Variants in NCKAP5L observed in about 807,000 individuals in gnomAD.
The protein encoded by NCKAP5L is NCK associated protein 5 like, also known as nck-associated protein 5-like.
A neutral mutation model predicts 103.2 loss-of-function variants in NCKAP5L; 54 were observed. The ratio of observed to expected loss-of-function variants is 0.52; its 90% CI spans 0.42 to 0.66. NCKAP5L has a LOEUF of 0.66. NCKAP5L is among the 30% of genes least tolerant of loss of function. NCKAP5L has a pLI of 0.00. For synonymous variants in NCKAP5L, 762 were observed against 748.6 expected (o/e 1.02, Z -0.29); for missense variants, 1,733 against 1,750.6 (o/e 0.99, Z 0.18).
intron 6 of NCKAP5L, among the ~76,000 whole-genome samples, 154 bp from the exon 7 acceptor site, chr12:49,798,617 C>T (rs991065908): frequency 2.6e-5 from 4 of 152,188 alleles, no homozygotes; most frequent in Non-Finnish European, 4.4e-5. Flanking sequence ...CCCCACCCAC[C>T]GGTAAGAGAA....
chr12:49,794,904 T>A lies in NCKAP5L; in HGVS notation c.2956A>T (p.Lys986Ter). 1 of 1,531,224 alleles carries A rather than the reference T, an allele frequency of 6.5e-7. No individual in the cohort carries two copies. The highest frequency in any genetic ancestry group is 1.3e-5 in the South Asian group (1 of 79,826). 94.9% of individuals were successfully genotyped at this position (1,531,224 alleles called of 1,614,324 possible). A position where few individuals can be genotyped will look rare whatever the true frequency, so the allele number is the denominator to read the frequency against. Residue 986 changes from lysine (K) to a stop codon, truncating the protein, a stop_gained, in exon 8 of 13, where the codon AAG becomes TAG. Coordinates refer to ENST00000335999, the MANE Select transcript of NCKAP5L (RefSeq NM_001037806.4). LOFTEE classifies it high-confidence loss of function. ...EDLRRALEEE[K>*]AYLSSRARPR... ...CGGGCCCGGCTGCTTAGGTAGGCCT[T>A]CTCCTCTTCCAGTGCCCGACGCAGG...
At position 49,796,301 on chromosome 12, in the gene NCKAP5L, G is replaced by A; in HGVS notation, c.1559C>T (p.Pro520Leu). Residue 520 changes from proline to leucine, a missense_variant, in exon 8 of 13, where the codon CCC becomes CTC. By Grantham distance (98) the Pro-to-Leu change is moderately conservative. Coordinates refer to ENST00000335999, the MANE Select transcript of NCKAP5L (RefSeq NM_001037806.4). ...ELSPEGAQGLPTSPSPCYTTP... is the reference protein window; with the variant it reads ...ELSPEGAQGLLTSPSPCYTTP... ...TGTGTAGCAGGGTGAAGGGCTGGTG[G>A]GCAGGCCTTGCGCCCCCTCTGGGGA... 1 of 1,544,948 alleles carries A rather than the reference G, an allele frequency of 6.5e-7. No homozygotes were observed. The highest frequency in any genetic ancestry group is 8.7e-7 in the Non-Finnish European group (1 of 1,145,222).
At chr12:49,812,389 T>TC (rs1462168697) in intron 1 of NCKAP5L, among the ~76,000 whole-genome samples, 1 of 145,408 alleles carries the variant, frequency 6.9e-6, no homozygotes, top group African/African-American at 2.5e-5. Flanking sequence ...GTTTTCATCT[T>TC]TTTTTTTTTT....
rs1004333337 is a variant in NCKAP5L at position 49,797,461 on chromosome 12, C to T, written c.466-67G>A. Reference sequence around the variant, plus strand: ...GCTGGGATCCAGTTCCAGGCCCAGGCCCTGGGCTGGCTTAACAGGGAATGC... The same window carrying T: ...GCTGGGATCCAGTTCCAGGCCCAGGTCCTGGGCTGGCTTAACAGGGAATGC... On this transcript the variant is annotated intron_variant, in intron 7 of 12. Coordinates refer to ENST00000335999, the MANE Select transcript of NCKAP5L (RefSeq NM_001037806.4). The surrounding 1 kb of genome is among the most constrained non-coding windows in gnomAD (Gnocchi z 4.5). 92 of 1,269,912 alleles carry T rather than the reference C, an allele frequency of 7.2e-5. No homozygotes were observed. The highest frequency in any genetic ancestry group is 9.9e-5 in the Non-Finnish European group (91 of 922,812). 78.7% of individuals were successfully genotyped at this position (1,269,912 alleles called of 1,614,324 possible).
chr12:49,792,915 C>A lies in NCKAP5L; in HGVS notation c.3412G>T (p.Gly1138Trp). 6.5e-7 allele frequency: 1 copy of A among 1,549,418 alleles called. No individual in the cohort carries two copies. The highest frequency in any genetic ancestry group is 1.4e-5 in the African/African-American group (1 of 73,674). The change falls in exon 11 of 13, where the codon GGG (glycine) becomes TGG (tryptophan). Residue 1138 changes from glycine to tryptophan, a missense_variant. Gly to Trp is a radical substitution (Grantham distance 184). Coordinates refer to ENST00000335999, the MANE Select transcript of NCKAP5L (RefSeq NM_001037806.4). The surrounding 1 kb of genome is among the most constrained non-coding windows in gnomAD (Gnocchi z 4.5). ...TTAGGAAGATTCTTGCTGGGGGTCC[C>A]ACTGCTACCATGGTCTGGGGGTGGG... is the stretch of plus-strand genomic sequence containing the variant. ...TFPPPDHGSS[G>W]TPSKNLPKTK...
rs372189629 is a variant in NCKAP5L, at chr12:49,818,949, C to T, written c.-99+9373G>A. On this transcript the variant is annotated intron_variant, in intron 1 of 12. Coordinates refer to ENST00000335999, the MANE Select transcript of NCKAP5L (RefSeq NM_001037806.4). ...CAGTGGCTCACACCTATAATCTTAACACTTTGGGAGGCCAAGGCAGGAGGA... is the reference window on the plus strand; with the variant it reads ...CAGTGGCTCACACCTATAATCTTAATACTTTGGGAGGCCAAGGCAGGAGGA... Among the ~76,000 whole-genome samples, 12 of 150,518 alleles carry T rather than the reference C, an allele frequency of 8.0e-5. No individual in the cohort carries two copies. In the East Asian group the frequency reaches 2.0e-3, roughly 25 times the overall value.
At chr12:49,804,252 C>T (rs1320540548) in intron 2 of NCKAP5L, 172 bp from the exon 3 acceptor site, 3 of 498,586 alleles carry the variant, frequency 6.0e-6, no homozygotes, top group African/African-American at 5.9e-5. Context: ...ATACTCTCCT[C>T]ATCTTAAGAA....
chr12:49,800,250 T>C (rs552451484), intron 6 of NCKAP5L, among the ~76,000 whole-genome samples: 2 of 152,314 alleles, frequency 1.3e-5, no homozygotes, highest in East Asian at 3.9e-4. Flanking sequence ...TTTCCATCCT[T>C]CTCTGATGGC....
intron 1 of NCKAP5L, among the ~76,000 whole-genome samples, chr12:49,817,706 C>T (rs1033520816): frequency 2.6e-5 from 4 of 152,090 alleles, no homozygotes; most frequent in East Asian, 1.9e-4. Flanking sequence ...ATGCCAAGAA[C>T]ATACAACAGG....
rs779519140 is a variant in NCKAP5L at position 49,791,829 on chromosome 12, G to C, written c.*10C>G. Reference sequence around the variant, plus strand: ...CCAGCTCCAGCGGGGCCGTGGCGTGGCGCAGCCCCTCAGCCCTGACTCCCA... The same window carrying C: ...CCAGCTCCAGCGGGGCCGTGGCGTGCCGCAGCCCCTCAGCCCTGACTCCCA... On this transcript the variant is annotated 3_prime_UTR_variant, in exon 13 of 13. Transcript: ENST00000335999. 1.3e-6 allele frequency: 2 copies of C among 1,578,124 alleles called. No individual in the cohort carries two copies. The highest frequency in any genetic ancestry group is 1.7e-6 in the Non-Finnish European group (2 of 1,160,132).
intron 1 of NCKAP5L, among the ~76,000 whole-genome samples, chr12:49,811,680 G>C (rs4898531): frequency 0.15 from 22,358 of 151,990 alleles, 2,888 homozygotes; most frequent in East Asian, 0.55. Context: ...AGGCTGAGGT[G>C]GGAGGATCAC....
In NCKAP5L at chr12:49,792,791, T is replaced by TC; in HGVS notation, c.3535dup (p.Glu1179GlyfsTer34). The TC allele has an allele frequency of 6.3e-7, 1 of 1,578,620 alleles. No homozygotes were observed. The highest frequency in any genetic ancestry group is 8.6e-7 in the Non-Finnish European group (1 of 1,163,182). On this transcript the variant is annotated frameshift_variant, in exon 11 of 13. Coordinates refer to ENST00000335999, the MANE Select transcript of NCKAP5L (RefSeq NM_001037806.4). LOFTEE classifies it high-confidence loss of function. The surrounding 1 kb of genome is among the most constrained non-coding windows in gnomAD (Gnocchi z 4.5). ...CAGCAGCTCCTCTATGCCTGGCACC[T>TC]CCCGCTCCAGTGTGTGGGCGCGGCG...
chr12:49,794,604 G>GGCCC (rs1592746779), intron 8 of NCKAP5L, among the ~76,000 whole-genome samples, 161 bp downstream of exon 8: 1 of 96,818 alleles, frequency 1.0e-5, no homozygotes, highest in Non-Finnish European at 1.8e-5. Flanking sequence ...CCAAGTCACT[G>GGCCC]ACCCCCCCAC....
chr12:49,804,760 T>A (rs1946160905), intron 2 of NCKAP5L: 1 of 152,246 alleles, frequency 6.6e-6, no homozygotes, highest in Non-Finnish European at 1.5e-5. Flanking sequence ...GAAGAATTCT[T>A]CCTCCCTTAC....
chr12:49,798,348 A>G lies in NCKAP5L; in HGVS notation c.465+2T>C. On this transcript the variant is annotated splice_donor_variant, in intron 7 of 12. Transcript: ENST00000335999. LOFTEE classifies it high-confidence loss of function. ...ACTGACCACAATACCTAGCCCTCCT[A>G]CCTCTCTCTGCCCAGCACAGTGCCC... 6.4e-7 allele frequency: 1 copy of G among 1,554,734 alleles called. No individual in the cohort carries two copies. The highest frequency in any genetic ancestry group is 1.2e-5 in the South Asian group (1 of 84,306).
At chr12:49,817,629 G>A (rs1946313452) in intron 1 of NCKAP5L, among the ~76,000 whole-genome samples, 1 of 152,060 alleles carries the variant, frequency 6.6e-6, no homozygotes, top group African/African-American at 2.4e-5. Flanking sequence ...GATACTAGAT[G>A]AATGGTTCAG....
chr12:49,793,514 G>A, intron 9 of NCKAP5L, 81 bp from the exon 10 acceptor site: 13 of 1,451,842 alleles, frequency 9.0e-6, no homozygotes, highest in South Asian at 3.6e-5. Flanking sequence ...GTGGGAATGT[G>A]TCTGTAAACA....
chr12:49,826,209 G>A (rs963700843), intron 1 of NCKAP5L, among the ~76,000 whole-genome samples: 4 of 152,118 alleles, frequency 2.6e-5, no homozygotes, highest in Non-Finnish European at 5.9e-5. Context: ...ATAAGAGGGC[G>A]GGTGGGTGAG....
chr12:49,798,383 C>T lies in NCKAP5L; in HGVS notation c.432G>A (p.Pro144=), dbSNP rs760669689. 9 of 1,567,522 alleles carry T rather than the reference C, an allele frequency of 5.7e-6. No individual in the cohort carries two copies. The highest frequency in any genetic ancestry group is 2.4e-5 in the East Asian group (1 of 42,476). The part of the protein sequence containing the change: ...SLSSTEGPAA[P]LPLGHCAGQR... The stretch of plus-strand genomic sequence containing the variant: ...GCCCAGCACAGTGCCCCAGAGGCAG[C>T]GGGGCAGCCGGTCCCTCAGTGGAGC... Residue 144 remains proline, a synonymous_variant, in exon 7 of 13, where the codon CCG becomes CCA. Coordinates refer to ENST00000335999, the MANE Select transcript of NCKAP5L (RefSeq NM_001037806.4).
Sources: allele counts gnomAD v4.1 joint callset (sites outside exome capture counted in the v4.1 genomes callset), GRCh38; gene constraint gnomAD v4.1.1; non-coding constraint Gnocchi (gnomAD v3.1); transcripts MANE v1.5; gene names NCBI Gene and HGNC (gene_info 2026-07-23, HGNC 2026-07-21).